Variants in PACSIN2 observed in about 807,000 individuals in gnomAD.
The protein encoded by PACSIN2 is protein kinase C and casein kinase substrate in neurons 2.
A neutral mutation model predicts 63.8 loss-of-function variants in PACSIN2; 25 were observed. The observed-to-expected ratio is 0.39, with a 90% CI of 0.29 to 0.55. The LOEUF (loss-of-function observed/expected upper bound fraction) is 0.55, where lower values mean the gene tolerates loss of function less well. Among genes scored for constraint, PACSIN2 ranks in the 20% least tolerant of loss-of-function variants. PACSIN2 has a pLI of 0.62. For synonymous variants in PACSIN2, 255 were observed against 256.2 expected, an observed-to-expected ratio of 1.00 and a Z score of 0.05; for missense variants, 518 against 646.9, an observed-to-expected ratio of 0.80 and a Z score of 2.16.
chr22:42,872,163 G>C (rs1459342654), intron 10 of PACSIN2, among the ~76,000 whole-genome samples: 1 of 152,246 alleles, frequency 6.6e-6, no homozygotes, highest in Non-Finnish European at 1.5e-5. Flanking sequence ...TTGGGTAGAA[G>C]AGGAGATACA....
intron 1 of PACSIN2, among the ~76,000 whole-genome samples, chr22:42,992,406 AC>A (rs1569360110): frequency 6.6e-6 from 1 of 152,138 alleles, no homozygotes; most frequent in Non-Finnish European, 1.5e-5. Context: ...CACCTAAACC[AC>A]CAAAGCACCT....
At chr22:42,951,835 C>A (rs981901006) in intron 1 of PACSIN2, among the ~76,000 whole-genome samples, 5 of 150,606 alleles carry the variant, frequency 3.3e-5, no homozygotes, top group Non-Finnish European at 1.5e-5. Flanking sequence ...CTGCTTCCAG[C>A]GCCAGTCTCG....
intron 2 of PACSIN2, among the ~76,000 whole-genome samples, chr22:42,896,728 T>A (rs1311420127): frequency 2.0e-5 from 3 of 152,358 alleles, no homozygotes; most frequent in Middle Eastern, 3.4e-3. Context: ...TGCACTGCCA[T>A]CAGCAACGTA....
rs535381350 is a variant in PACSIN2 at position 42,966,297 on chromosome 22, G to A, written c.-78+48724C>T. 1.1e-4 allele frequency among the ~76,000 whole-genome samples: 17 copies of A among 152,218 alleles called. 1 individual carries two copies. The highest frequency in any genetic ancestry group is 4.1e-4 in the African/African-American group (17 of 41,522). ...AGGCAGGAGAATTGCTTGAACCTGG[G>A]AGGCGGAGGTTGCAATGAGATCGTG... On this transcript the variant is annotated intron_variant, in intron 1 of 10. Coordinates refer to ENST00000263246, the MANE Select transcript of PACSIN2 (RefSeq NM_001184970.3).
At chr22:43,011,887 CT>C (rs1924510752) in intron 1 of PACSIN2, among the ~76,000 whole-genome samples, 1 of 152,118 alleles carries the variant, frequency 6.6e-6, no homozygotes, top group South Asian at 2.1e-4. Context: ...TGGCAGGTGC[CT>C]GTAATCCCAG....
intron 7 of PACSIN2, among the ~76,000 whole-genome samples, chr22:42,881,866 T>G (rs558434019): frequency 6.6e-6 from 1 of 151,152 alleles, no homozygotes; most frequent in Non-Finnish European, 1.5e-5. Flanking sequence ...GGACCTGAGG[T>G]CCTGTGTGCC....
intron 2 of PACSIN2, among the ~76,000 whole-genome samples, chr22:42,899,771 G>A (rs967432512): frequency 6.6e-6 from 1 of 152,204 alleles, no homozygotes; most frequent in Non-Finnish European, 1.5e-5. Context: ...GTAAGCACGG[G>A]GCCCAGCAGT....
intron 1 of PACSIN2, among the ~76,000 whole-genome samples, chr22:43,006,528 G>C (rs1314540978): frequency 6.6e-6 from 1 of 152,168 alleles, no homozygotes; most frequent in African/African-American, 2.4e-5. Context: ...TATGGAAAGA[G>C]AAACAGCCAG....
At chr22:42,931,467 G>T (rs1932775701) in intron 1 of PACSIN2, among the ~76,000 whole-genome samples, 1 of 152,232 alleles carries the variant, frequency 6.6e-6, no homozygotes, top group Non-Finnish European at 1.5e-5. Flanking sequence ...GGAGAGGCAG[G>T]AGGTGTCCGA....
At chr22:42,879,313 C>T (rs1928898520) in intron 7 of PACSIN2, 144 bp from the exon 8 acceptor site, 2 of 845,940 alleles carry the variant, frequency 2.4e-6, no homozygotes, top group Non-Finnish European at 3.5e-6. Context: ...TCCCTGGTTT[C>T]CCAGAAGACC....
intron 1 of PACSIN2, among the ~76,000 whole-genome samples, chr22:43,014,048 CCTT>C (rs1924678871): frequency 6.6e-6 from 1 of 152,118 alleles, no homozygotes; most frequent in Non-Finnish European, 1.5e-5. Flanking sequence ...CCAACCAACT[CCTT>C]CTGAAAAGAA....
chr22:42,971,093 TTCTCCC>T (rs570557433), intron 1 of PACSIN2, among the ~76,000 whole-genome samples: 10 of 152,112 alleles, frequency 6.6e-5, no homozygotes, highest in African/African-American at 1.9e-4. Context: ...GATAAAAATA[TTCTCCC>T]TCTCCCTCTC....
At chr22:42,955,304 C>T (rs892927385) in intron 1 of PACSIN2, among the ~76,000 whole-genome samples, 1 of 152,238 alleles carries the variant, frequency 6.6e-6, no homozygotes, top group East Asian at 1.9e-4. Flanking sequence ...AATGAACAAA[C>T]AAACGAACGA....
chr22:42,906,877 C>T (rs1392648907), intron 2 of PACSIN2, among the ~76,000 whole-genome samples: 1 of 152,222 alleles, frequency 6.6e-6, no homozygotes, highest in Non-Finnish European at 1.5e-5. Context: ...AAAAAAAGTA[C>T]CACACACAAT....
chr22:42,963,535 G>A (rs73886195), intron 1 of PACSIN2, among the ~76,000 whole-genome samples: 3,896 of 152,308 alleles, frequency 0.026, 165 homozygotes, highest in African/African-American at 0.09. Context: ...GCTTCTATCT[G>A]AGGCCTTTTG....
intron 8 of PACSIN2, among the ~76,000 whole-genome samples, chr22:42,878,050 T>TCTGA (rs1272598724): frequency 4.6e-5 from 7 of 152,208 alleles, no homozygotes; most frequent in Non-Finnish European, 8.8e-5. Context: ...AGGCCACATG[T>TCTGA]CTGAGCTCAC....
rs1448903618 is a variant in PACSIN2 at position 42,990,049 on chromosome 22, TATAC to T, written c.-78+24968_-78+24971del. The stretch of plus-strand genomic sequence containing the variant: ...ATGTATATATATGTATATATATATA[TATAC>T]ACACACATATGTGTGTATATATATG... On this transcript the variant is annotated intron_variant, in intron 1 of 10. Coordinates refer to ENST00000263246, the MANE Select transcript of PACSIN2 (RefSeq NM_001184970.3). 1.4e-4 allele frequency among the ~76,000 whole-genome samples: 4 copies of T among 28,446 alleles called. No individual in the cohort carries two copies. In the South Asian group the frequency reaches 3.6e-3, roughly 25 times the overall value. 18.7% of individuals were successfully genotyped at this position (28,446 alleles called of 152,430 possible).
chr22:42,931,913 T>A (rs1481371200), intron 1 of PACSIN2, among the ~76,000 whole-genome samples: 33 of 152,280 alleles, frequency 2.2e-4, no homozygotes, highest in African/African-American at 7.9e-4. Flanking sequence ...AATGAAAACG[T>A]TTAATGTTTT....
chr22:42,892,192 G>A (rs563727884), intron 3 of PACSIN2, among the ~76,000 whole-genome samples: 1 of 152,274 alleles, frequency 6.6e-6, no homozygotes, highest in African/African-American at 2.4e-5. Flanking sequence ...AGGGTGGGGT[G>A]GCGTGAGGCT....
Sources: gnomAD v4.1 joint callset for allele counts (sites outside exome capture counted in the v4.1 genomes callset) on GRCh38, gnomAD v4.1.1 for gene constraint, MANE v1.5 for transcripts, NCBI Gene and HGNC (gene_info 2026-07-23, HGNC 2026-07-21) for gene names.